Variants in SCN2A observed in about 807,000 individuals in gnomAD.
SCN2A encodes sodium channel protein type 2 subunit alpha.
SCN2A carries 20 observed loss-of-function variants against 188.7 expected under a neutral mutation model. The observed-to-expected ratio is 0.11, with a 90% CI of 0.07 to 0.15. The LOEUF (loss-of-function observed/expected upper bound fraction) is 0.15. SCN2A is among the 10% of genes least tolerant of loss of function. SCN2A has a pLI of 1.00. For synonymous variants in SCN2A, 804 were observed against 833.1 expected, an observed-to-expected ratio of 0.97 and a Z score of 0.60; for missense variants, 1,278 against 2,445.0, an observed-to-expected ratio of 0.52 and a Z score of 10.07.
At chr2:165,256,440 A>C (rs1207457085) in intron 1 of SCN2A, among the ~76,000 whole-genome samples, 1 of 152,086 alleles carries the variant, frequency 6.6e-6, no homozygotes, top group African/African-American at 2.4e-5. Flanking sequence ...TTTTCAATTT[A>C]CTATCTTTAA....
rs780277099 is a variant in SCN2A at position 165,370,181 on chromosome 2, A to G, written c.3731A>G (p.Tyr1244Cys). 6.2e-7 allele frequency: 1 copy of G among 1,614,176 alleles called. No individual in the cohort carries two copies. The highest frequency in any genetic ancestry group is 8.5e-7 in the Non-Finnish European group (1 of 1,180,006). The change falls in exon 20 of 27, where the codon TAT (tyrosine) becomes TGT (cysteine). Residue 1244 changes from tyrosine (Y) to cysteine (C), a missense_variant. Tyr to Cys is a radical substitution (Grantham distance 194, BLOSUM62 -2). Coordinates refer to ENST00000375437, the MANE Select transcript of SCN2A (RefSeq NM_001040142.2). ...AAAACCATTAAGACCATGTTAGAAT[A>G]TGCTGACAAGGTTTTCACTTACATA... ...QRKTIKTMLE[Y>C]ADKVFTYIFI...
intron 23 of SCN2A, among the ~76,000 whole-genome samples, chr2:165,378,370 G>A (rs1346628489): frequency 1.3e-5 from 2 of 151,096 alleles, no homozygotes; most frequent in African/African-American, 4.9e-5. Flanking sequence ...CAGAGAGGGA[G>A]CAAGAAAGCA....
At chr2:165,363,826 T>C (rs1700585820) in intron 17 of SCN2A, among the ~76,000 whole-genome samples, 1 of 152,110 alleles carries the variant, frequency 6.6e-6, no homozygotes, top group Non-Finnish European at 1.5e-5. Context: ...ATTCTCTAAC[T>C]CAAAGCAGGC....
chr2:165,317,651 TTC>T (rs1481874123), intron 11 of SCN2A, among the ~76,000 whole-genome samples: 1 of 152,166 alleles, frequency 6.6e-6, no homozygotes, highest in Non-Finnish European at 1.5e-5. Context: ...TCCTTCCTTT[TTC>T]TGTACATTTT....
chr2:165,341,661 T>C (rs75354526), intron 14 of SCN2A, among the ~76,000 whole-genome samples: 5 of 152,218 alleles, frequency 3.3e-5, no homozygotes, highest in Admixed American at 2.6e-4. Context: ...CTGACTTTCA[T>C]CACCTCTAAG....
intron 1 of SCN2A, among the ~76,000 whole-genome samples, chr2:165,246,836 C>A (rs1693868474): frequency 6.6e-6 from 1 of 152,070 alleles, no homozygotes; most frequent in African/African-American, 2.4e-5. Context: ...AGCAACCATG[C>A]CACATGTCCC....
At chr2:165,372,501 G>A (rs1225899097) in intron 20 of SCN2A, 2 of 151,912 alleles carry the variant, frequency 1.3e-5, no homozygotes, top group Non-Finnish European at 2.9e-5. Context: ...ATGTTTTCAA[G>A]GAAATTGGAC....
At chr2:165,279,512 T>G (rs1456511552) in intron 1 of SCN2A, among the ~76,000 whole-genome samples, 1 of 152,118 alleles carries the variant, frequency 6.6e-6, no homozygotes, top group Non-Finnish European at 1.5e-5. Flanking sequence ...ATGATAAAGT[T>G]TTTAGACAGA....
chr2:165,259,898 CATT>C (rs1694497498), intron 1 of SCN2A, among the ~76,000 whole-genome samples: 1 of 148,828 alleles, frequency 6.7e-6, no homozygotes, highest in South Asian at 2.1e-4. Flanking sequence ...TTCACGGAAT[CATT>C]ATGTATGGCA....
At chr2:165,257,663 C>G (rs1349549498) in intron 1 of SCN2A, among the ~76,000 whole-genome samples, 1 of 152,020 alleles carries the variant, frequency 6.6e-6, no homozygotes, top group Non-Finnish European at 1.5e-5. Context: ...CTCAGCCTCC[C>G]GAGTAGCTGG....
chr2:165,272,848 G>T (rs991188745), intron 1 of SCN2A: 1 of 151,296 alleles, frequency 6.6e-6, no homozygotes, highest in Non-Finnish European at 1.5e-5. Context: ...AATACAACAT[G>T]TTAGGAATCT....
chr2:165,263,978 T>C (rs981013054), intron 1 of SCN2A, among the ~76,000 whole-genome samples: 4 of 152,060 alleles, frequency 2.6e-5, no homozygotes, highest in Non-Finnish European at 2.9e-5. Context: ...AGCTACTGAG[T>C]TGGGTACATT....
At chr2:165,240,248 T>A (rs1693556175) in intron 1 of SCN2A, 1 of 152,232 alleles carries the variant, frequency 6.6e-6, no homozygotes, top group African/African-American at 2.4e-5. Context: ...CCAGTATGGA[T>A]GTGAGGAGTA....
chr2:165,256,935 CTTTGT>C (rs1215261008), intron 1 of SCN2A, among the ~76,000 whole-genome samples: 1 of 152,096 alleles, frequency 6.6e-6, no homozygotes, highest in African/African-American at 2.4e-5. Flanking sequence ...GAAGCTATAA[CTTTGT>C]TTTAACAGTT....
intron 22 of SCN2A, among the ~76,000 whole-genome samples, 195 bp downstream of exon 22, chr2:165,375,161 T>G (rs1179831017): frequency 6.6e-6 from 1 of 151,998 alleles, no homozygotes; most frequent in Non-Finnish European, 1.5e-5. Flanking sequence ...ATAGCTTTTA[T>G]GGAAAACAGT....
intron 22 of SCN2A, among the ~76,000 whole-genome samples, chr2:165,375,879 A>G (rs189015608): frequency 2.0e-4 from 30 of 152,130 alleles, no homozygotes; most frequent in Non-Finnish European, 2.2e-4. Context: ...CAGCCTTTAA[A>G]GAAGAAGGAA....
Position 165,386,739 on chromosome 2 carries a change from G to T in SCN2A, c.4552-7G>T. 1 of 1,611,210 alleles carries T rather than the reference G, an allele frequency of 6.2e-7. No homozygotes were observed. Among genetic ancestry groups the T allele is most frequent in the Non-Finnish European group, 8.5e-7 (1 of 1,178,202 alleles). ...CTAATGGAACTTTTACATATTATTT[G>T]TTCCAGAACAAATTCCAAGGAATGG... On this transcript the variant is annotated splice_region_variant and splice_polypyrimidine_tract_variant and intron_variant, in intron 25 of 26. Transcript: ENST00000375437.
In SCN2A at chr2:165,368,504, A is replaced by G. The variant is rs914848888; in HGVS notation, c.3675+1133A>G. Among the ~76,000 whole-genome samples the G allele has an allele frequency of 5.9e-5, 9 of 152,126 alleles. 1 individual carries two copies. In the East Asian group the frequency reaches 1.3e-3, roughly 23 times the overall value. ...ATTTCTCTGCCTCTTGTTCCTGTCA[A>G]AATTGCTTAACATAAACTCCATGCT... On this transcript the variant is annotated intron_variant, in intron 19 of 26. Coordinates refer to ENST00000375437, the MANE Select transcript of SCN2A (RefSeq NM_001040142.2).
intron 16 of SCN2A, among the ~76,000 whole-genome samples, chr2:165,351,143 C>CTT (rs1699889650): frequency 6.6e-6 from 1 of 152,140 alleles, no homozygotes; most frequent in African/African-American, 2.4e-5. Context: ...AAAATCGATT[C>CTT]TTACCTAGCA....
Sources: allele counts gnomAD v4.1 joint callset (sites outside exome capture counted in the v4.1 genomes callset), GRCh38; gene constraint gnomAD v4.1.1; transcripts MANE v1.5; gene names NCBI Gene and HGNC (gene_info 2026-07-23, HGNC 2026-07-21).